CD2AP: variants seen among roughly 807,000 people sequenced by gnomAD.
The protein encoded by CD2AP is CD2-associated protein.
In CD2AP, 46 loss-of-function variants were observed where a neutral mutation model predicts 85.1. The observed-to-expected ratio is 0.54, with a 90% CI of 0.43 to 0.69. The LOEUF is 0.69. Ranked by LOEUF, CD2AP falls within the 30% of genes least tolerant of loss-of-function variation. The pLI is 0.00. For missense variants in CD2AP, 769 were observed against 729.5 expected (o/e 1.05, Z -0.62); for synonymous variants, 255 against 252.9 (o/e 1.01, Z -0.08).
At chr6:47,489,730 A>C (rs968605154) in intron 1 of CD2AP, among the ~76,000 whole-genome samples, 12 of 152,278 alleles carry the variant, frequency 7.9e-5, no homozygotes, top group African/African-American at 2.6e-4. Context: ...TACTTGTCCA[A>C]GTCAGAGGTA....
intron 5 of CD2AP, among the ~76,000 whole-genome samples, chr6:47,568,751 T>C (rs1176683867): frequency 6.6e-6 from 1 of 151,176 alleles, no homozygotes; most frequent in African/African-American, 2.4e-5. Context: ...CTCAAATAAA[T>C]AAATAAATAA....
At chr6:47,503,477 A>G (rs1412530576) in intron 2 of CD2AP, 37 bp downstream of exon 2, 2 of 1,518,750 alleles carry the variant, frequency 1.3e-6, no homozygotes, top group South Asian at 1.1e-5. Flanking sequence ...CTCTTGCTTC[A>G]TAGGATTTAA....
rs1769880085 is a variant in CD2AP at position 47,625,210 on chromosome 6, A to T, written c.*983A>T. The T allele has an allele frequency of 6.6e-6, 1 of 151,866 alleles. No homozygotes were observed. The highest frequency in any genetic ancestry group is 2.4e-5 in the African/African-American group (1 of 41,412). The allele number at this position is 151,866 out of a possible 1,614,324, so 9.4% of individuals were successfully genotyped here. A position where few individuals can be genotyped will look rare whatever the true frequency, so the allele number is the denominator to read the frequency against. On this transcript the variant is annotated 3_prime_UTR_variant, in exon 18 of 18. Transcript: ENST00000359314. ...TTTAATAATGGTAATAGGAAAACAA[A>T]ACCCAAAGCTTTTCAGAACTTCAGT...
At chr6:47,585,140 TAAAA>T (rs993329674) in intron 11 of CD2AP, among the ~76,000 whole-genome samples, 1 of 133,628 alleles carries the variant, frequency 7.5e-6, no homozygotes, top group Non-Finnish European at 1.6e-5. Context: ...AAAAATAAAA[TAAAA>T]AAAAAAAAAC....
chr6:47,611,380 A>AT (rs1769434441), intron 16 of CD2AP, among the ~76,000 whole-genome samples: 1 of 91,830 alleles, frequency 1.1e-5, no homozygotes, highest in African/African-American at 3.5e-5. Flanking sequence ...TCTATGGAAG[A>AT]GGGGGGGAAT....
At position 47,599,702 on chromosome 6, in the gene CD2AP, C is replaced by G. The variant is rs11758792; in HGVS notation, c.1417+259C>G. On this transcript the variant is annotated intron_variant, in intron 13 of 17. Transcript: ENST00000359314. Reference sequence around the variant, plus strand: ...AAATAGATGTTAAAAGATGACCCATCTATTACTCCCTCTTTATAGTGGAAT... The same window carrying G: ...AAATAGATGTTAAAAGATGACCCATGTATTACTCCCTCTTTATAGTGGAAT... 0.25 allele frequency among the ~76,000 whole-genome samples: 38,194 copies of G among 151,904 alleles called. 5,498 individuals carry two copies. Among genetic ancestry groups the G allele is most frequent in the East Asian group, 0.6 (3,097 of 5,154 alleles).
At chr6:47,598,307 G>C (rs1769005060) in intron 12 of CD2AP, among the ~76,000 whole-genome samples, 1 of 151,118 alleles carries the variant, frequency 6.6e-6, no homozygotes, top group Non-Finnish European at 1.5e-5. Flanking sequence ...TGGTGGGAAT[G>C]TAAACTAGTA....
chr6:47,496,540 G>A (rs1765861847), intron 1 of CD2AP, among the ~76,000 whole-genome samples: 1 of 152,178 alleles, frequency 6.6e-6, no homozygotes, highest in Non-Finnish European at 1.5e-5. Flanking sequence ...ACAGATGTAT[G>A]CAGTTATGTG....
At chr6:47,595,832 A>C in intron 11 of CD2AP, 29 bp from the exon 12 acceptor site, 11 of 1,588,256 alleles carry the variant, frequency 6.9e-6, no homozygotes, top group Non-Finnish European at 8.6e-6. Flanking sequence ...TTTGATTGTT[A>C]ATAACTTGTG....
At chr6:47,523,952 T>C (rs1766658652) in intron 2 of CD2AP, among the ~76,000 whole-genome samples, 1 of 152,326 alleles carries the variant, frequency 6.6e-6, no homozygotes, top group Middle Eastern at 3.4e-3. Flanking sequence ...CTCAGCTTTC[T>C]TCCATGTTTA....
At chr6:47,601,262 T>C (rs1769123102) in intron 13 of CD2AP, among the ~76,000 whole-genome samples, 1 of 151,950 alleles carries the variant, frequency 6.6e-6, no homozygotes, top group African/African-American at 2.4e-5. Context: ...ACAGAGACTT[T>C]GTGGAACAGG....
chr6:47,571,989 A>AT (rs1222453577), intron 5 of CD2AP, among the ~76,000 whole-genome samples: 1 of 152,158 alleles, frequency 6.6e-6, no homozygotes, highest in Non-Finnish European at 1.5e-5. Flanking sequence ...TTTGGGCTGG[A>AT]TAATTGTTTG....
At chr6:47,619,398 T>TA (rs771532329) in intron 17 of CD2AP, among the ~76,000 whole-genome samples, 13 of 152,356 alleles carry the variant, frequency 8.5e-5, no homozygotes, top group Non-Finnish European at 1.8e-4. Context: ...CAGATGCTGT[T>TA]AATTCATTCC....
intron 11 of CD2AP, among the ~76,000 whole-genome samples, chr6:47,585,130 A>AAAAAT (rs1272389829): frequency 6.6e-6 from 1 of 151,632 alleles, no homozygotes; most frequent in Non-Finnish European, 1.5e-5. Context: ...CGTCTCTACT[A>AAAAAT]AAAATAAAAT....
chr6:47,517,966 G>A (rs1415267428), intron 2 of CD2AP, among the ~76,000 whole-genome samples: 2 of 152,144 alleles, frequency 1.3e-5, no homozygotes, highest in African/African-American at 2.4e-5. Context: ...TAAATAAGAT[G>A]GATAGGAGTG....
chr6:47,562,878 G>C, intron 5 of CD2AP: 1 of 772,224 alleles, frequency 1.3e-6, no homozygotes, highest in Non-Finnish European at 2.3e-6. Context: ...AGCAACTGTA[G>C]GGGAATGGGT....
chr6:47,530,281 T>C (rs938894974), intron 2 of CD2AP, among the ~76,000 whole-genome samples: 2 of 152,230 alleles, frequency 1.3e-5, no homozygotes, highest in African/African-American at 4.8e-5. Context: ...TAAACAATTG[T>C]ATACAACCGT....
chr6:47,533,787 C>G (rs768264877), intron 3 of CD2AP, 32 bp downstream of exon 3: 1 of 1,603,686 alleles, frequency 6.2e-7, no homozygotes, highest in South Asian at 1.1e-5. Flanking sequence ...TGCATAATTA[C>G]ATCAAAATAG....
chr6:47,542,433 C>T (rs1767239323), intron 3 of CD2AP, among the ~76,000 whole-genome samples: 1 of 152,122 alleles, frequency 6.6e-6, no homozygotes, highest in Non-Finnish European at 1.5e-5. Context: ...TTCCAAAATT[C>T]ATGTTGAAAT....
Sources: allele counts gnomAD v4.1 joint callset (sites outside exome capture counted in the v4.1 genomes callset), GRCh38; gene constraint gnomAD v4.1.1; transcripts MANE v1.5; gene names NCBI Gene and HGNC (gene_info 2026-07-23, HGNC 2026-07-21).